Variants in NMBR observed in about 807,000 individuals in gnomAD.
NMBR encodes the protein neuromedin B receptor, also known as neuromedin-B receptor.
In NMBR, 16 loss-of-function variants were observed where a neutral mutation model predicts 20.5. The ratio of observed to expected loss-of-function variants is 0.78; its 90% CI spans 0.53 to 1.19. The LOEUF (loss-of-function observed/expected upper bound fraction) is 1.19. NMBR is among the 50% of genes most tolerant of loss of function. The pLI is 0.00. For synonymous variants in NMBR, 212 were observed against 196.6 expected, an observed-to-expected ratio of 1.08 and a Z score of -0.65; for missense variants, 582 against 499.1, an observed-to-expected ratio of 1.17 and a Z score of -1.58.
At chr6:142,143,646 A>T (rs993157631) in intron 1 of NMBR, among the ~76,000 whole-genome samples, 5 of 152,246 alleles carry the variant, frequency 3.3e-5, no homozygotes, top group Non-Finnish European at 5.9e-5. Context: ...AACTTTAGTC[A>T]TTATAAACTG....
rs370085213 is a variant in NMBR, at chr6:142,075,718, T to C, written c.1103A>G (p.Asn368Ser). The change falls in exon 4 of 4, where the codon AAT (asparagine) becomes AGT (serine). Residue 368 changes from asparagine to serine, a missense_variant. Transcript: ENST00000258042. ...SAVRMTSLKS[N>S]AKNMVTNSVL... ...AGAATTGGTCACCATGTTCTTAGCATTGCTTTTCAGAGATGTCATACGCAC... is the reference window on the plus strand; with the variant it reads ...AGAATTGGTCACCATGTTCTTAGCACTGCTTTTCAGAGATGTCATACGCAC... The C allele has an allele frequency of 7.4e-6, 12 of 1,614,024 alleles. No individual in the cohort carries two copies. In the Admixed American group the frequency reaches 1.3e-4, roughly 18 times the overall value.
chr6:142,124,543 G>T (rs1483679519), intron 1 of NMBR, among the ~76,000 whole-genome samples: 2 of 151,804 alleles, frequency 1.3e-5, no homozygotes, highest in Non-Finnish European at 2.9e-5. Context: ...AGTAAAGTAG[G>T]GGAAAAAATG....
intron 2 of NMBR, among the ~76,000 whole-genome samples, chr6:142,079,670 CAAAAT>C (rs1777053435): frequency 2.0e-5 from 3 of 151,920 alleles, no homozygotes; most frequent in Admixed American, 6.6e-5. Flanking sequence ...TACATTTTGA[CAAAAT>C]AAAATAAATA....
chr6:142,079,715 A>G (rs1434571322), intron 2 of NMBR, among the ~76,000 whole-genome samples: 1 of 152,206 alleles, frequency 6.6e-6, no homozygotes, highest in Non-Finnish European at 1.5e-5. Context: ...GATTTTCTCC[A>G]TAATCCAATA....
chr6:142,084,810 A>G (rs1777169281), intron 2 of NMBR, among the ~76,000 whole-genome samples: 2 of 152,206 alleles, frequency 1.3e-5, no homozygotes, highest in Admixed American at 1.3e-4. Flanking sequence ...TATAACGCCA[A>G]CCAGGAGCAA....
At chr6:142,140,204 A>C (rs1778341991) in intron 1 of NMBR, among the ~76,000 whole-genome samples, 2 of 152,138 alleles carry the variant, frequency 1.3e-5, no homozygotes, top group African/African-American at 4.8e-5. Context: ...ATTTTAGAAA[A>C]CAAACAAAAT....
intron 1 of NMBR, among the ~76,000 whole-genome samples, chr6:142,091,832 A>G (rs1441159975): frequency 2.0e-5 from 3 of 152,184 alleles, no homozygotes; most frequent in Admixed American, 2.0e-4. Flanking sequence ...ATAAATACAC[A>G]TTGTATATTT....
chr6:142,128,055 G>A (rs1327666014), intron 1 of NMBR, among the ~76,000 whole-genome samples: 1 of 152,034 alleles, frequency 6.6e-6, no homozygotes, highest in Non-Finnish European at 1.5e-5. Flanking sequence ...TGTGGGAGAT[G>A]TTTGGCTCAT....
intron 1 of NMBR, among the ~76,000 whole-genome samples, chr6:142,099,635 G>C (rs555478543): frequency 6.6e-6 from 1 of 152,064 alleles, no homozygotes; most frequent in Admixed American, 6.6e-5. Flanking sequence ...ATCAACTTGG[G>C]TATATCGATG....
At chr6:142,135,265 G>T (rs1369163965) in intron 1 of NMBR, 1 of 155,084 alleles carries the variant, frequency 6.4e-6, no homozygotes, top group Non-Finnish European at 1.4e-5. Context: ...GCTCATGAGG[G>T]TTAATTTAGG....
At chr6:142,125,372 T>C (rs1323349572) in intron 1 of NMBR, among the ~76,000 whole-genome samples, 1 of 137,258 alleles carries the variant, frequency 7.3e-6, no homozygotes, top group Non-Finnish European at 1.6e-5. Flanking sequence ...AAGGATTAAA[T>C]ATAAATCATC....
At chr6:142,133,960 C>G (rs2114609290) in intron 1 of NMBR, 1 of 702,516 alleles carries the variant, frequency 1.4e-6, no homozygotes, top group Non-Finnish European at 2.6e-6. Context: ...AGGCCTTGCA[C>G]TTCATTTGCG....
chr6:142,114,967 G>A (rs1777825130), intron 1 of NMBR, among the ~76,000 whole-genome samples: 1 of 152,086 alleles, frequency 6.6e-6, no homozygotes, highest in Non-Finnish European at 1.5e-5. Context: ...AAAGAGAACT[G>A]AAACTTAGCA....
chr6:142,097,376 T>A (rs1777475281), intron 1 of NMBR, among the ~76,000 whole-genome samples: 1 of 151,572 alleles, frequency 6.6e-6, no homozygotes, highest in Non-Finnish European at 1.5e-5. Context: ...TGGTGGTGCT[T>A]CTCTATTTAT....
At chr6:142,141,457 G>T (rs1778359536) in intron 1 of NMBR, among the ~76,000 whole-genome samples, 3 of 151,982 alleles carry the variant, frequency 2.0e-5, no homozygotes, top group South Asian at 2.1e-4. Context: ...TGTTAGAAAA[G>T]AAGTTATATT....
At chr6:142,128,455 G>A (rs368209860) in intron 1 of NMBR, among the ~76,000 whole-genome samples, 26 of 152,182 alleles carry the variant, frequency 1.7e-4, no homozygotes, top group Admixed American at 1.2e-3. Context: ...GGATCTTAGA[G>A]GAAAAGCTTG....
rs760671411 is a variant in NMBR at position 142,078,772 on chromosome 6, G to A, written c.554C>T (p.Ala185Val). ...AVPEAVFSEV[A>V]RISSLDNSSF... is the part of the protein sequence containing the mutation. ...GCTATTATCCAAGCTACTGATGCGA[G>A]CCACTTCTGAAAACACCGCTTCGGG... is the stretch of plus-strand genomic sequence containing the variant. Residue 185 changes from alanine (A) to valine (V), a missense_variant, in exon 3 of 4, where the codon GCT becomes GTT. Physicochemically the swap from Ala to Val is moderately conservative, Grantham distance 64. Coordinates refer to ENST00000258042, the MANE Select transcript of NMBR (RefSeq NM_002511.4). 2.3e-5 allele frequency: 37 copies of A among 1,613,784 alleles called. No homozygotes were observed. Among genetic ancestry groups the A allele is most frequent in the Non-Finnish European group, 3.0e-5 (35 of 1,180,006 alleles).
At chr6:142,097,068 T>C (rs1465036988) in intron 1 of NMBR, among the ~76,000 whole-genome samples, 3 of 152,104 alleles carry the variant, frequency 2.0e-5, no homozygotes, top group Non-Finnish European at 4.4e-5. Flanking sequence ...ATGTGTGTCT[T>C]TGCACGTGAG....
intron 1 of NMBR, among the ~76,000 whole-genome samples, chr6:142,122,333 T>C (rs920729587): frequency 3.3e-5 from 5 of 151,900 alleles, no homozygotes; most frequent in Non-Finnish European, 7.4e-5. Flanking sequence ...AGAGATTGGT[T>C]TATGAGGTTG....
Sources: gnomAD v4.1 joint callset for allele counts (sites outside exome capture counted in the v4.1 genomes callset) on GRCh38, gnomAD v4.1.1 for gene constraint, MANE v1.5 for transcripts, NCBI Gene and HGNC (gene_info 2026-07-23, HGNC 2026-07-21) for gene names.